The following KIF11 variants were observed in gnomAD, a reference collection of about 807,000 sequenced individuals.
KIF11 encodes the protein kinesin family member 11.
KIF11 carries 9 observed loss-of-function variants against 121.0 expected under a neutral mutation model. That is an observed-to-expected ratio of 0.07 (90% CI 0.04 to 0.13). The LOEUF (loss-of-function observed/expected upper bound fraction) is 0.13, where lower values mean the gene tolerates loss of function less well. Among genes scored for constraint, KIF11 ranks in the 10% least tolerant of loss-of-function variants. The probability of loss-of-function intolerance (pLI) is 1.00; values close to 1 mark genes in which losing one functional copy is unlikely to be tolerated. For synonymous variants in KIF11, 408 were observed against 421.0 expected, an observed-to-expected ratio of 0.97 and a Z score of 0.38; for missense variants, 846 against 1,217.5, an observed-to-expected ratio of 0.69 and a Z score of 4.54.
rs138735940 is a variant in KIF11 at position 92,637,322 on chromosome 10, A to G, written c.2001+13A>G. ...AGTGGCCGATAAGGTAACAAATGCT[A>G]TGTTCTTAATATCTCAAAATTGATG... On this transcript the variant is annotated intron_variant, in intron 15 of 21. Coordinates refer to ENST00000260731, the MANE Select transcript of KIF11 (RefSeq NM_004523.4). 33 of 1,587,872 alleles carry G rather than the reference A, an allele frequency of 2.1e-5. 1 individual carries two copies. In the Middle Eastern group the frequency reaches 1.3e-3, roughly 64 times the overall value.
At chr10:92,646,145 G>A (rs1844917026) in intron 18 of KIF11, among the ~76,000 whole-genome samples, 1 of 151,766 alleles carries the variant, frequency 6.6e-6, no homozygotes. Context: ...GTAGAGATGG[G>A]GTTTCACTAT....
At chr10:92,631,613 G>A (rs112750503) in intron 12 of KIF11, among the ~76,000 whole-genome samples, 14,567 of 149,626 alleles carry the variant, frequency 0.097, 824 homozygotes, top group South Asian at 0.17. Flanking sequence ...CACCCACCTC[G>A]GCCTCCCAAA....
intron 12 of KIF11, among the ~76,000 whole-genome samples, 171 bp from the exon 13 acceptor site, chr10:92,632,315 G>A (rs1844747015): frequency 6.6e-6 from 1 of 151,010 alleles, no homozygotes; most frequent in Admixed American, 6.6e-5. Flanking sequence ...CTACAAGTAT[G>A]TACCACCACA....
intron 18 of KIF11, 104 bp from the exon 19 acceptor site, chr10:92,648,108 C>CAAAAAAAAAAAAAAAAAAAAAA (rs34357393): frequency 7.7e-5 from 53 of 685,436 alleles, no homozygotes; most frequent in African/African-American, 7.5e-4. Flanking sequence ...GACTTGTCTC[C>CAAAAAAAAAAAAAAAAAAAAAA]AAAAAAAAAA....
At chr10:92,622,141 G>A (rs1844624013) in intron 10 of KIF11, among the ~76,000 whole-genome samples, 2 of 152,142 alleles carry the variant, frequency 1.3e-5, no homozygotes, top group Admixed American at 1.3e-4. Context: ...CTGTGTGGTG[G>A]TACATGCCCG....
chr10:92,612,985 G>A, intron 6 of KIF11, 55 bp from the exon 7 acceptor site: 2 of 966,934 alleles, frequency 2.1e-6, no homozygotes, highest in Non-Finnish European at 1.6e-6. Context: ...TATTTCAGAA[G>A]CAGCAAATGC....
At chr10:92,652,988 G>A (rs1437339120) in intron 21 of KIF11, among the ~76,000 whole-genome samples, 9 of 152,210 alleles carry the variant, frequency 5.9e-5, no homozygotes, top group African/African-American at 1.7e-4. Context: ...GTTCTGTATG[G>A]GTAAGTAGGA....
intron 1 of KIF11, among the ~76,000 whole-genome samples, chr10:92,594,921 TCTGTCA>T (rs1378628692): frequency 2.6e-4 from 39 of 152,290 alleles, no homozygotes; most frequent in African/African-American, 8.4e-4. Flanking sequence ...TCCTGGTGCG[TCTGTCA>T]TTAAGCATTA....
At chr10:92,610,410 C>CTATT (rs936809277) in intron 6 of KIF11, among the ~76,000 whole-genome samples, 1 of 152,124 alleles carries the variant, frequency 6.6e-6, no homozygotes, top group African/African-American at 2.4e-5. Flanking sequence ...TCTTACCACT[C>CTATT]TATTCATTGA....
rs755362158 is a variant in KIF11 at position 92,653,748 on chromosome 10, C to T, written c.3123C>T (p.His1041=). 9 of 1,613,884 alleles carry T rather than the reference C, an allele frequency of 5.6e-6. No homozygotes were observed. The highest frequency in any genetic ancestry group is 7.6e-6 in the Non-Finnish European group (9 of 1,179,816). Residue 1041 remains histidine, a synonymous_variant, in exon 22 of 22, where the codon CAC becomes CAT. Transcript: ENST00000260731. The stretch of plus-strand genomic sequence containing the variant: ...CTAAAGTGGAAGAAACTACAGAGCA[C>T]TTGGTTACAAAGAGCAGATTACCTC... The part of the protein sequence containing the change: ...ERSKVEETTE[H]LVTKSRLPLR...
intron 10 of KIF11, among the ~76,000 whole-genome samples, chr10:92,624,174 T>C (rs1245559938): frequency 6.6e-6 from 1 of 151,968 alleles, no homozygotes; most frequent in Admixed American, 6.6e-5. Context: ...TTAGTTTGTT[T>C]AGGACAATGG....
intron 11 of KIF11, among the ~76,000 whole-genome samples, chr10:92,629,126 G>A (rs1844707898): frequency 6.6e-6 from 1 of 151,434 alleles, no homozygotes; most frequent in African/African-American, 2.4e-5. Flanking sequence ...GATTACAGGT[G>A]TGCACCACCA....
chr10:92,648,485 C>A, intron 19 of KIF11, 51 bp downstream of exon 19: 2 of 1,174,482 alleles, frequency 1.7e-6, no homozygotes, highest in Non-Finnish European at 2.4e-6. Context: ...TCGAATTCAA[C>A]TCTATGTAGT....
Position 92,613,755 on chromosome 10 carries a change from G to A in KIF11, c.1032+136G>A. 1 of 807,506 alleles carries A rather than the reference G, an allele frequency of 1.2e-6. No individual in the cohort carries two copies. The highest frequency in any genetic ancestry group is 1.9e-6 in the Non-Finnish European group (1 of 529,662). 50.0% of individuals were successfully genotyped at this position (807,506 alleles called of 1,614,324 possible). A position where few individuals can be genotyped will look rare whatever the true frequency, so the allele number is the denominator to read the frequency against. On this transcript the variant is annotated intron_variant, in intron 8 of 21. Coordinates refer to ENST00000260731, the MANE Select transcript of KIF11 (RefSeq NM_004523.4). The surrounding 1 kb of genome is among the most constrained non-coding windows in gnomAD (Gnocchi z 4.2). ...ACCCAGCACTTTGGAAGTCCAAGGTGGGCGGATCACTTGAGCTTAGGAGTG... is the reference window on the plus strand; with the variant it reads ...ACCCAGCACTTTGGAAGTCCAAGGTAGGCGGATCACTTGAGCTTAGGAGTG...
chr10:92,633,528 A>C, intron 13 of KIF11, 95 bp from the exon 14 acceptor site: 1 of 825,406 alleles, frequency 1.2e-6, no homozygotes, highest in African/African-American at 1.7e-5. Context: ...ATTCTACAAC[A>C]AGGGTATACT....
intron 9 of KIF11, among the ~76,000 whole-genome samples, chr10:92,618,859 A>G (rs1188983465): frequency 2.0e-5 from 3 of 152,100 alleles, no homozygotes; most frequent in Admixed American, 2.0e-4. Flanking sequence ...GAACAGTTCC[A>G]TCACCACGAG....
chr10:92,634,893 A>G (rs368992203), intron 14 of KIF11, among the ~76,000 whole-genome samples: 16 of 152,214 alleles, frequency 1.1e-4, no homozygotes, highest in East Asian at 9.6e-4. Context: ...TGCAAGAAAA[A>G]TATCTTAGAA....
intron 21 of KIF11, among the ~76,000 whole-genome samples, chr10:92,650,752 T>G (rs1210860388): frequency 6.6e-6 from 1 of 152,134 alleles, no homozygotes; most frequent in Non-Finnish European, 1.5e-5. Context: ...CTGATAATCT[T>G]TAGCTATTGT....
intron 1 of KIF11, among the ~76,000 whole-genome samples, chr10:92,605,729 G>A (rs972848735): frequency 2.0e-5 from 3 of 152,054 alleles, no homozygotes; most frequent in African/African-American, 7.2e-5. Flanking sequence ...CAGGTGATCC[G>A]CCTGCCTCGG....
Sources: gnomAD v4.1 joint callset for allele counts (sites outside exome capture counted in the v4.1 genomes callset) on GRCh38, gnomAD v4.1.1 for gene constraint, Gnocchi (gnomAD v3.1) non-coding constraint, MANE v1.5 for transcripts, NCBI Gene and HGNC (gene_info 2026-07-23, HGNC 2026-07-21) for gene names.